Variants in SCN11A observed in about 807,000 individuals in gnomAD.
The protein encoded by SCN11A is sodium channel protein type 11 subunit alpha.
In SCN11A, 122 loss-of-function variants were observed where a neutral mutation model predicts 162.2. That is an observed-to-expected ratio of 0.75 (90% CI 0.65 to 0.87). SCN11A has a LOEUF of 0.87. Among genes scored for constraint, SCN11A ranks in the 40% least tolerant of loss-of-function variants. SCN11A has a pLI of 0.00. For synonymous variants in SCN11A, 758 were observed against 751.5 expected, an observed-to-expected ratio of 1.01 and a Z score of -0.14; for missense variants, 2,015 against 2,181.6, an observed-to-expected ratio of 0.92 and a Z score of 1.52.
intron 2 of SCN11A, among the ~76,000 whole-genome samples, chr3:39,020,484 T>G (rs2031423406): frequency 6.6e-6 from 1 of 152,186 alleles, no homozygotes; most frequent in Non-Finnish European, 1.5e-5. Context: ...TCCAGCAGTG[T>G]TTGAGATTTG....
Position 38,845,919 on chromosome 3 carries a change from T to A in SCN11A, c.*775A>T, listed in dbSNP as rs949220361. 2.0e-5 allele frequency: 3 copies of A among 152,204 alleles called. No individual in the cohort carries two copies. Among genetic ancestry groups the A allele is most frequent in the African/African-American group, 7.2e-5 (3 of 41,450 alleles). The allele number at this position is 152,204 out of a possible 1,614,324, so 9.4% of individuals were successfully genotyped here. A position where few individuals can be genotyped will look rare whatever the true frequency, so the allele number is the denominator to read the frequency against. On this transcript the variant is annotated 3_prime_UTR_variant, in exon 30 of 30. Transcript: ENST00000302328. ...TAATGTTGGTAAAAAATGTCTGCAA[T>A]AAGCTATTCATTTATTGGCAAGTTT...
chr3:38,888,880 C>T (rs907842938), intron 19 of SCN11A, among the ~76,000 whole-genome samples: 5 of 152,082 alleles, frequency 3.3e-5, no homozygotes, highest in Admixed American at 6.6e-5. Context: ...GATAGGGCTC[C>T]CTCTACCCTA....
At position 38,891,145 on chromosome 3, in the gene SCN11A, A is replaced by C. The variant is rs2065493209; in HGVS notation, c.2835+3388T>G. Among the ~76,000 whole-genome samples the C allele has an allele frequency of 2.0e-5, 3 of 152,170 alleles. No individual in the cohort carries two copies. The South Asian group carries it at 6.2e-4, about 32-fold the overall frequency. On this transcript the variant is annotated intron_variant, in intron 19 of 29. Transcript: ENST00000302328. Reference sequence around the variant, plus strand: ...AAATATATTTAAAGAATTAAAAGGTACAATGCTTAAGGAAATAAAAGATAC... The same window carrying C: ...AAATATATTTAAAGAATTAAAAGGTCCAATGCTTAAGGAAATAAAAGATAC...
chr3:38,907,879 T>A (rs992493508), intron 14 of SCN11A, 70 bp downstream of exon 14: 1 of 1,321,476 alleles, frequency 7.6e-7, no homozygotes, highest in Admixed American at 2.4e-5. Flanking sequence ...ATTATTTCAA[T>A]TTGATTGGCA....
chr3:39,015,043 A>G (rs936826195), intron 2 of SCN11A, among the ~76,000 whole-genome samples: 1 of 152,202 alleles, frequency 6.6e-6, no homozygotes, highest in Non-Finnish European at 1.5e-5. Flanking sequence ...TATGGTTTGA[A>G]TATTTGTTAC....
chr3:38,957,074 AT>A (rs1156983268), intron 3 of SCN11A, among the ~76,000 whole-genome samples: 17 of 152,334 alleles, frequency 1.1e-4, no homozygotes, highest in African/African-American at 4.1e-4. Flanking sequence ...AAATCAAGAA[AT>A]AGCAGTGTAA....
chr3:38,911,735 G>A (rs73828712), intron 11 of SCN11A, among the ~76,000 whole-genome samples: 2,426 of 152,154 alleles, frequency 0.016, 66 homozygotes, highest in African/African-American at 0.056. Flanking sequence ...TAGTTCTAAT[G>A]TTGATTTTTG....
intron 7 of SCN11A, among the ~76,000 whole-genome samples, chr3:38,938,672 C>T (rs2066393152): frequency 6.8e-6 from 1 of 146,156 alleles, no homozygotes; most frequent in South Asian, 2.2e-4. Context: ...TCAAGCGATT[C>T]TCCTGCCTCA....
At position 38,988,029 on chromosome 3, in the gene SCN11A, TG is replaced by T. The variant is rs1422531097; in HGVS notation, c.-279-27607del. On this transcript the variant is annotated intron_variant, in intron 2 of 29. Coordinates refer to ENST00000302328, the MANE Select transcript of SCN11A (RefSeq NM_001349253.2). ...CCTCCAGGACTAGCTACATAATTTGTGGCGCCCGGTGCAAATGGGAATTTGA... is the reference window on the plus strand; with the variant it reads ...CCTCCAGGACTAGCTACATAATTTGTGCGCCCGGTGCAAATGGGAATTTGA... 2.0e-5 allele frequency among the ~76,000 whole-genome samples: 3 copies of T among 152,152 alleles called. No individual in the cohort carries two copies. The East Asian group carries it at 5.8e-4, about 29-fold the overall frequency.
At chr3:39,005,141 GGA>G (rs2030935263) in intron 2 of SCN11A, among the ~76,000 whole-genome samples, 1 of 152,182 alleles carries the variant, frequency 6.6e-6, no homozygotes, top group Non-Finnish European at 1.5e-5. Context: ...TACAATGTCT[GGA>G]ATCTATGAAT....
Position 38,894,608 on chromosome 3 carries a change from C to G in SCN11A, c.2760G>C (p.Ala920=), listed in dbSNP as rs764717266. 6.2e-7 allele frequency: 1 copy of G among 1,614,002 alleles called. No individual in the cohort carries two copies. Among genetic ancestry groups the G allele is most frequent in the African/African-American group, 1.3e-5 (1 of 74,904 alleles). Residue 920 remains alanine (A), a synonymous_variant, in exon 19 of 30, where the codon GCG becomes GCC. Transcript: ENST00000302328. ...AAAATTCAACGTCATCTTCCTCCTC[C>G]GCAAGTGGTGCCAACCAAGTCCAAT... ...RHDWTWLAPL[A]EEEDDVEFSG... is the part of the protein sequence containing the mutation.
intron 4 of SCN11A, 69 bp from the exon 5 acceptor site, chr3:38,950,438 A>G: frequency 1.3e-6 from 2 of 1,492,250 alleles, no homozygotes; most frequent in Admixed American, 1.7e-5. Flanking sequence ...AGCCTGCCCT[A>G]GGATTCCAGT....
chr3:38,996,162 T>A (rs1329072751), intron 2 of SCN11A, among the ~76,000 whole-genome samples: 2 of 152,216 alleles, frequency 1.3e-5, no homozygotes, highest in Admixed American at 6.5e-5. Context: ...AGAAATAAAT[T>A]TTTTTTTCAG....
At chr3:38,925,659 T>C in intron 8 of SCN11A, 150 bp from the exon 9 acceptor site, 1 of 618,476 alleles carries the variant, frequency 1.6e-6, no homozygotes. Context: ...CACCTTTATC[T>C]TAGGATCTGG....
At chr3:38,889,271 C>T (rs946227341) in intron 19 of SCN11A, among the ~76,000 whole-genome samples, 1 of 151,630 alleles carries the variant, frequency 6.6e-6, no homozygotes, top group African/African-American at 2.4e-5. Flanking sequence ...ACTAAAAATA[C>T]CAAATTAGCC....
chr3:39,008,268 G>A (rs978821731), intron 2 of SCN11A, among the ~76,000 whole-genome samples: 1 of 151,910 alleles, frequency 6.6e-6, no homozygotes, highest in African/African-American at 2.4e-5. Flanking sequence ...TATTAATTCA[G>A]CCAAACTCTC....
chr3:38,972,444 G>A (rs144231999), intron 2 of SCN11A, among the ~76,000 whole-genome samples: 82 of 152,264 alleles, frequency 5.4e-4, no homozygotes, highest in Admixed American at 1.2e-3. Context: ...TCATCTAAAG[G>A]ATTCCCCAGA....
intron 2 of SCN11A, among the ~76,000 whole-genome samples, chr3:39,016,619 T>C (rs952387202): frequency 6.6e-6 from 1 of 152,218 alleles, no homozygotes; most frequent in Non-Finnish European, 1.5e-5. Context: ...TATTTATTTT[T>C]TGAGATGGAG....
intron 28 of SCN11A, among the ~76,000 whole-genome samples, chr3:38,851,442 A>G (rs1299000212): frequency 1.3e-5 from 2 of 152,210 alleles, no homozygotes; most frequent in Non-Finnish European, 2.9e-5. Flanking sequence ...ACTGCCCAAA[A>G]AGTGAGTATA....
Sources: gnomAD v4.1 joint callset for allele counts (sites outside exome capture counted in the v4.1 genomes callset) on GRCh38, gnomAD v4.1.1 for gene constraint, MANE v1.5 for transcripts, NCBI Gene and HGNC (gene_info 2026-07-23, HGNC 2026-07-21) for gene names.